Variants in HPR observed in about 807,000 individuals in gnomAD.
HPR encodes haptoglobin-related protein.
Under a neutral mutation model 18.5 loss-of-function variants are expected in HPR, and 17 were observed. That is an observed-to-expected ratio of 0.92 (90% confidence interval 0.63 to 1.38). The LOEUF is 1.38. HPR is among the 40% of genes most tolerant of loss of function. The pLI is 0.00. For missense variants in HPR, 457 were observed against 432.4 expected (o/e 1.06, Z -0.51); for synonymous variants, 176 against 165.0 (o/e 1.07, Z -0.51).
chr16:72,076,327 C>G lies in HPR; in HGVS notation c.293C>G (p.Ala98Gly). ...GTATGTGGGAAGCCCAAGAATCCGG[C>G]AAACCCAGTGCAGCGGATCCTGGGT... ...EAVCGKPKNPANPVQRILGGH... is the reference protein window; with the variant it reads ...EAVCGKPKNPGNPVQRILGGH... The change falls in exon 5 of 5, where the codon GCA (alanine) becomes GGA (glycine). Residue 98 changes from alanine (A) to glycine (G), a missense_variant. Coordinates refer to ENST00000540303, the MANE Select transcript of HPR (RefSeq NM_020995.4). The G allele has an allele frequency of 6.2e-7, 1 of 1,613,838 alleles. No individual in the cohort carries two copies.
chr16:72,073,930 G>C lies in HPR; in HGVS notation c.44G>C (p.Arg15Pro). The C allele has an allele frequency of 6.2e-7, 1 of 1,613,968 alleles. No homozygotes were observed. The highest frequency in any genetic ancestry group is 8.5e-7 in the Non-Finnish European group (1 of 1,179,994). The change falls in exon 2 of 5, where the codon CGA (arginine) becomes CCA (proline). Residue 15 changes from arginine (R) to proline (P), a missense_variant. By Grantham distance (103) the Arg-to-Pro change is moderately radical (BLOSUM62 -2). Coordinates refer to ENST00000540303, the MANE Select transcript of HPR (RefSeq NM_020995.4). ...GAVISLLLWG[R>P]QLFALYSGND... ...GTCATTTCCCTCCTGCTCTGGGGAC[G>C]ACAGCTTTTTGCACTGTACTCAGGC...
At chr16:72,073,671 G>A (rs2041680789) in intron 1 of HPR, 2 of 1,428,940 alleles carry the variant, frequency 1.4e-6, no homozygotes, top group Non-Finnish European at 1.9e-6. Context: ...CTCAGAAGCA[G>A]CTAAAGCGTG....
intron 4 of HPR, 21 bp from the exon 5 acceptor site, chr16:72,076,282 G>C: frequency 6.2e-7 from 1 of 1,608,064 alleles, no homozygotes; most frequent in Non-Finnish European, 8.5e-7. Flanking sequence ...CCACTCACGA[G>C]TGTCTTGCTC....
chr16:72,072,559 A>C (rs1048104866), intron 1 of HPR, among the ~76,000 whole-genome samples: 2 of 152,146 alleles, frequency 1.3e-5, no homozygotes, highest in Non-Finnish European at 2.9e-5. Flanking sequence ...TTCTGGACTA[A>C]ACGACCCCTT....
chr16:72,064,752 T>C (rs1456184197), intron 1 of HPR, among the ~76,000 whole-genome samples: 1 of 152,196 alleles, frequency 6.6e-6, no homozygotes, highest in Non-Finnish European at 1.5e-5. Flanking sequence ...GGTTCTTCTT[T>C]GCAGCACCGA....
chr16:72,067,965 A>G (rs2041615382), intron 1 of HPR, among the ~76,000 whole-genome samples: 1 of 152,184 alleles, frequency 6.6e-6, no homozygotes, highest in Non-Finnish European at 1.5e-5. Flanking sequence ...GGCTGAAGAG[A>G]GCCGAGACAC....
chr16:72,067,948 T>C (rs777743286), intron 1 of HPR, among the ~76,000 whole-genome samples: 8 of 152,214 alleles, frequency 5.3e-5, no homozygotes, highest in Non-Finnish European at 7.3e-5. Flanking sequence ...TTTTTGGGCA[T>C]GTCCCTGGCT....
intron 1 of HPR, among the ~76,000 whole-genome samples, chr16:72,064,778 A>T (rs1446973846): frequency 6.6e-6 from 1 of 152,206 alleles, no homozygotes; most frequent in Non-Finnish European, 1.5e-5. Flanking sequence ...TGTTTCCAAC[A>T]AATTTGGTGG....
intron 1 of HPR, among the ~76,000 whole-genome samples, chr16:72,068,786 C>A (rs7191499): frequency 0.042 from 6,309 of 151,486 alleles, 600 homozygotes; most frequent in African/African-American, 0.15. Context: ...ACAGTAAGCA[C>A]ACCCCACCAA....
intron 1 of HPR, among the ~76,000 whole-genome samples, chr16:72,068,240 G>A (rs1036273210): frequency 6.6e-6 from 1 of 152,148 alleles, no homozygotes; most frequent in Non-Finnish European, 1.5e-5. Flanking sequence ...GGGTCTCAAA[G>A]GGAAAGCTTC....
chr16:72,075,729 C>T (rs1186981685), intron 4 of HPR, among the ~76,000 whole-genome samples: 1 of 152,196 alleles, frequency 6.6e-6, no homozygotes, highest in Non-Finnish European at 1.5e-5. Context: ...GTATTAACTG[C>T]AACATCTATA....
At chr16:72,067,730 A>T (rs976683525) in intron 1 of HPR, among the ~76,000 whole-genome samples, 2 of 152,126 alleles carry the variant, frequency 1.3e-5, no homozygotes, top group Non-Finnish European at 2.9e-5. Context: ...CTCATTAATG[A>T]TGGGCTTCTT....
At position 72,077,005 on chromosome 16, in the gene HPR, C is replaced by T. The variant is rs2041740074; in HGVS notation, c.971C>T (p.Ala324Val). ...AGILSFDKSC[A>V]VAEYGVYVKV... is the part of the protein sequence containing the mutation. ...ATCCTAAGCTTTGATAAGAGCTGTG[C>T]TGTGGCTGAGTATGGTGTGTATGTG... The change falls in exon 5 of 5, where the codon GCT becomes GTT. Residue 324 changes from alanine to valine, a missense_variant. Physicochemically the swap from Ala to Val is moderately conservative, Grantham distance 64. Coordinates refer to ENST00000540303, the MANE Select transcript of HPR (RefSeq NM_020995.4). The T allele has an allele frequency of 8.1e-6, 13 of 1,614,140 alleles. No homozygotes were observed. Among genetic ancestry groups the T allele is most frequent in the Non-Finnish European group, 1.1e-5 (13 of 1,180,026 alleles).
chr16:72,065,265 C>T (rs1011437080), intron 1 of HPR, among the ~76,000 whole-genome samples: 1 of 152,018 alleles, frequency 6.6e-6, no homozygotes, highest in African/African-American at 2.4e-5. Context: ...GTGTGAAGAA[C>T]CTCCAGGAGG....
intron 3 of HPR, 83 bp downstream of exon 3, chr16:72,074,468 G>C (rs1421115866): frequency 1.3e-5 from 16 of 1,252,264 alleles, no homozygotes; most frequent in Admixed American, 1.7e-5. Flanking sequence ...GAGGTGATTT[G>C]CCAGAAAGTT....
At position 72,073,913 on chromosome 16, in the gene HPR, C is replaced by G; in HGVS notation, c.27C>G (p.Ser9=). 6.2e-7 allele frequency: 1 copy of G among 1,613,986 alleles called. No homozygotes were observed. The stretch of plus-strand genomic sequence containing the variant: ...GCAGTGACCTGGGAGCTGTCATTTC[C>G]CTCCTGCTCTGGGGACGACAGCTTT... MSDLGAVI[S]LLLWGRQLFA... is the part of the protein sequence containing the mutation. The change falls in exon 2 of 5, where the codon TCC becomes TCG. Residue 9 remains serine, a synonymous_variant. Transcript: ENST00000540303.
intron 2 of HPR, 94 bp from the exon 3 acceptor site, chr16:72,074,190 T>G: frequency 7.8e-7 from 1 of 1,284,272 alleles, no homozygotes; most frequent in Non-Finnish European, 1.1e-6. Flanking sequence ...AGAAGGAGAT[T>G]GATGTGCAGA....
chr16:72,074,489 C>T, intron 3 of HPR, 104 bp downstream of exon 3: 2 of 1,013,722 alleles, frequency 2.0e-6, no homozygotes, highest in East Asian at 2.4e-5. Flanking sequence ...CGTTGCTCTC[C>T]TTGGAGCCAG....
At chr16:72,066,558 A>G (rs759586602) in intron 1 of HPR, among the ~76,000 whole-genome samples, 1 of 152,202 alleles carries the variant, frequency 6.6e-6, no homozygotes, top group African/African-American at 2.4e-5. Flanking sequence ...CCAGAACTCA[A>G]AAGCTCTCTA....
Sources: allele counts gnomAD v4.1 joint callset (sites outside exome capture counted in the v4.1 genomes callset), GRCh38; gene constraint gnomAD v4.1.1; transcripts MANE v1.5; gene names NCBI Gene and HGNC (gene_info 2026-07-23, HGNC 2026-07-21).